NR2C2: variants seen among roughly 807,000 people sequenced by gnomAD.
The protein encoded by NR2C2 is Nuclear hormone receptor TR4.
A neutral mutation model predicts 62.9 loss-of-function variants in NR2C2; 6 were observed. The observed-to-expected ratio is 0.10, with a 90% confidence interval of 0.05 to 0.19. The LOEUF (loss-of-function observed/expected upper bound fraction) is 0.19. Among genes scored for constraint, NR2C2 ranks in the 10% least tolerant of loss-of-function variants. The pLI, the probability that NR2C2 is intolerant of heterozygous loss-of-function variation, is 1.00. For synonymous variants in NR2C2, 272 were observed against 273.8 expected, an observed-to-expected ratio of 0.99 and a Z score of 0.07; for missense variants, 479 against 762.7, an observed-to-expected ratio of 0.63 and a Z score of 4.38.
At position 15,004,002 on chromosome 3, in the gene NR2C2, C is replaced by T. The variant is rs1181976654; in HGVS notation, c.72+16C>T. The T allele has an allele frequency of 6.3e-7, 1 of 1,598,852 alleles. No individual in the cohort carries two copies. Among genetic ancestry groups the T allele is most frequent in the Admixed American group, 1.7e-5 (1 of 57,914 alleles). ...GCGCATTCAGGTACCTGCAACCTGCCAATGGCAACCCTGCCTTTCCAGAAG... is the reference window on the plus strand; with the variant it reads ...GCGCATTCAGGTACCTGCAACCTGCTAATGGCAACCCTGCCTTTCCAGAAG... On this transcript the variant is annotated intron_variant, in intron 2 of 13. Transcript: ENST00000425241.
intron 1 of NR2C2, among the ~76,000 whole-genome samples, chr3:14,992,302 C>T (rs899684319): frequency 2.0e-5 from 3 of 151,874 alleles, no homozygotes; most frequent in Non-Finnish European, 2.9e-5. Flanking sequence ...CCCCCTGTGT[C>T]GGTGGAAGCC....
At chr3:14,969,244 CTT>C (rs35048015) in intron 1 of NR2C2, among the ~76,000 whole-genome samples, 2,045 of 125,682 alleles carry the variant, frequency 0.016, 24 homozygotes, top group African/African-American at 0.056. Flanking sequence ...AATAAAGATT[CTT>C]TTTTTTTTTT....
intron 1 of NR2C2, among the ~76,000 whole-genome samples, chr3:14,994,001 G>A (rs1217152654): frequency 6.6e-6 from 1 of 152,012 alleles, no homozygotes. Context: ...TTAGAGGCAG[G>A]GCCACATCTG....
intron 1 of NR2C2, among the ~76,000 whole-genome samples, chr3:14,989,874 G>C (rs1417428328): frequency 7.4e-6 from 1 of 134,966 alleles, no homozygotes; most frequent in Non-Finnish European, 1.5e-5. Flanking sequence ...GGAGGTTGCA[G>C]TGAGCCGAGA....
chr3:15,018,161 G>A (rs946549372), intron 4 of NR2C2, among the ~76,000 whole-genome samples: 1 of 152,086 alleles, frequency 6.6e-6, no homozygotes, highest in Non-Finnish European at 1.5e-5. Context: ...ACCACGCCTG[G>A]CTAATTTTTG....
chr3:14,986,157 G>C (rs949800101), intron 1 of NR2C2, among the ~76,000 whole-genome samples: 1 of 151,858 alleles, frequency 6.6e-6, no homozygotes, highest in South Asian at 2.1e-4. Flanking sequence ...GATACTCATA[G>C]AAAATAAAAG....
chr3:14,949,941 C>G (rs2039299495), intron 1 of NR2C2, among the ~76,000 whole-genome samples: 1 of 152,266 alleles, frequency 6.6e-6, no homozygotes, highest in Non-Finnish European at 1.5e-5. Context: ...CCAACTTTTA[C>G]TAGCAGTGTG....
chr3:14,971,752 C>T (rs2040045942), intron 1 of NR2C2, among the ~76,000 whole-genome samples: 1 of 150,588 alleles, frequency 6.6e-6, no homozygotes, highest in African/African-American at 2.5e-5. Context: ...TGTTGAACAG[C>T]TTTTCTTTTT....
chr3:15,016,032 C>T (rs2041501341), intron 3 of NR2C2, 120 bp from the exon 4 acceptor site: 1 of 702,120 alleles, frequency 1.4e-6, no homozygotes, highest in African/African-American at 1.8e-5. Flanking sequence ...GAACTCCCGA[C>T]CTCAAGTGAT....
At chr3:15,038,352 G>C (rs932256971) in intron 12 of NR2C2, 6 of 435,972 alleles carry the variant, frequency 1.4e-5, no homozygotes, top group Non-Finnish European at 2.4e-5. Context: ...GCCTGATGAT[G>C]TCACGCACTG....
rs931506433 is a variant in NR2C2 at position 15,048,161 on chromosome 3, A to C, written c.*5153A>C. On this transcript the variant is annotated 3_prime_UTR_variant, in exon 14 of 14. Transcript: ENST00000425241. ...AACACTTTATGAGACCATAGTACTC[A>C]GTGCCTTTTGTGAGACAGTGGGTCA... is the stretch of plus-strand genomic sequence containing the variant. 2.0e-5 allele frequency: 3 copies of C among 152,700 alleles called. No homozygotes were observed. Among genetic ancestry groups the C allele is most frequent in the Non-Finnish European group, 4.4e-5 (3 of 68,054 alleles). 9.5% of individuals were successfully genotyped at this position (152,700 alleles called of 1,614,324 possible). A position where few individuals can be genotyped will look rare whatever the true frequency, so the allele number is the denominator to read the frequency against.
At chr3:14,997,054 G>C (rs1020818938) in intron 1 of NR2C2, among the ~76,000 whole-genome samples, 22 of 152,214 alleles carry the variant, frequency 1.4e-4, no homozygotes, top group African/African-American at 5.1e-4. Context: ...AACCAAATGT[G>C]AACCACATAA....
intron 1 of NR2C2, among the ~76,000 whole-genome samples, chr3:14,956,315 C>T (rs2039524495): frequency 6.6e-6 from 1 of 152,056 alleles, no homozygotes; most frequent in Non-Finnish European, 1.5e-5. Context: ...TTTAATTTTC[C>T]CATGAATATG....
At chr3:14,957,955 C>T (rs2039575603) in intron 1 of NR2C2, among the ~76,000 whole-genome samples, 2 of 152,196 alleles carry the variant, frequency 1.3e-5, no homozygotes, top group Non-Finnish European at 2.9e-5. Context: ...GCCACTCTTC[C>T]TCATACCTGC....
At chr3:15,008,348 G>A (rs543391381) in intron 2 of NR2C2, among the ~76,000 whole-genome samples, 4 of 151,502 alleles carry the variant, frequency 2.6e-5, no homozygotes, top group East Asian at 1.9e-4. Context: ...CTAGTGAGAC[G>A]TCATCTCTAT....
Position 15,029,776 on chromosome 3 carries a change from G to A in NR2C2, c.933-499G>A, listed in dbSNP as rs2125053919. ...TTGAGACCAGCTGAGACCCATCTCT[G>A]AAAAAGTAAATAAATAATAGATAGA... On this transcript the variant is annotated intron_variant, in intron 8 of 13. Transcript: ENST00000425241. Among the ~76,000 whole-genome samples, 3 of 145,440 alleles carry A rather than the reference G, an allele frequency of 2.1e-5. 1 individual carries two copies. The East Asian group carries it at 6.1e-4, about 30-fold the overall frequency.
intron 1 of NR2C2, among the ~76,000 whole-genome samples, chr3:14,986,154 A>T (rs957029126): frequency 6.6e-6 from 1 of 152,130 alleles, no homozygotes; most frequent in African/African-American, 2.4e-5. Flanking sequence ...GGTGATACTC[A>T]TAGAAAATAA....
In NR2C2 at chr3:14,954,359, C is replaced by G. The variant is rs564063727; in HGVS notation, c.-40+6453C>G. On this transcript the variant is annotated intron_variant, in intron 1 of 13. Coordinates refer to ENST00000425241, the MANE Select transcript of NR2C2 (RefSeq NM_001291694.2). The stretch of plus-strand genomic sequence containing the variant: ...AAATTAAAAATAGATAAAAGTAAAA[C>G]AGTTAATTTTTAAAAATAGTAAAAT... 4.6e-5 allele frequency among the ~76,000 whole-genome samples: 7 copies of G among 152,006 alleles called. 1 individual carries two copies. In the South Asian group the frequency reaches 1.5e-3, roughly 32 times the overall value.
intron 1 of NR2C2, among the ~76,000 whole-genome samples, chr3:14,988,324 C>G (rs964964529): frequency 6.6e-6 from 1 of 152,254 alleles, no homozygotes; most frequent in African/African-American, 2.4e-5. Context: ...CTGCAAATAT[C>G]TGGTATTGTC....
Sources: allele counts gnomAD v4.1 joint callset (sites outside exome capture counted in the v4.1 genomes callset), GRCh38; gene constraint gnomAD v4.1.1; transcripts MANE v1.5; gene names NCBI Gene and HGNC (gene_info 2026-07-23, HGNC 2026-07-21).